CADPS: variants seen among roughly 807,000 people sequenced by gnomAD.
The protein encoded by CADPS is calcium dependent secretion activator.
A neutral mutation model predicts 167.3 loss-of-function variants in CADPS; 57 were observed. The ratio of observed to expected loss-of-function variants is 0.34; its 90% CI spans 0.28 to 0.42. The LOEUF (loss-of-function observed/expected upper bound fraction) is 0.42. CADPS is among the 20% of genes least tolerant of loss of function. The probability of loss-of-function intolerance (pLI) is 1.00; values close to 1 mark genes in which losing one functional copy is unlikely to be tolerated. For missense variants in CADPS, 1,414 were observed against 1,738.1 expected, an observed-to-expected ratio of 0.81 and a Z score of 3.32; for synonymous variants, 676 against 635.3, an observed-to-expected ratio of 1.06 and a Z score of -0.96.
intron 6 of CADPS, among the ~76,000 whole-genome samples, chr3:62,617,654 G>A (rs2062533384): frequency 6.6e-6 from 1 of 152,056 alleles, no homozygotes; most frequent in Non-Finnish European, 1.5e-5. Context: ...TATTTAATTT[G>A]GGGATGAGAG....
intron 6 of CADPS, among the ~76,000 whole-genome samples, chr3:62,621,337 A>C (rs145540340): frequency 6.6e-6 from 1 of 152,092 alleles, no homozygotes; most frequent in Non-Finnish European, 1.5e-5. Context: ...TCCCTGTGGC[A>C]GATCAGAACA....
chr3:62,658,259 G>C (rs772557076), intron 4 of CADPS, among the ~76,000 whole-genome samples: 2 of 152,054 alleles, frequency 1.3e-5, no homozygotes, highest in African/African-American at 4.8e-5. Context: ...TGTTCATCAC[G>C]GGTCTAAATG....
chr3:62,713,625 C>A (rs1441614302), intron 3 of CADPS, among the ~76,000 whole-genome samples: 1 of 152,214 alleles, frequency 6.6e-6, no homozygotes, highest in African/African-American at 2.4e-5. Context: ...GCTGCTGTAC[C>A]CTGCCGCTTC....
At chr3:62,770,828 GTCA>G (rs2088491392) in intron 1 of CADPS, among the ~76,000 whole-genome samples, 1 of 152,116 alleles carries the variant, frequency 6.6e-6, no homozygotes, top group Non-Finnish European at 1.5e-5. Flanking sequence ...TATTCCCAAA[GTCA>G]TTGCTCCCTC....
At position 62,872,458 on chromosome 3, in the gene CADPS, C is replaced by G. The variant is rs1049898691; in HGVS notation, c.441+2131G>C. Among the ~76,000 whole-genome samples the G allele has an allele frequency of 2.6e-5, 4 of 152,144 alleles. No individual in the cohort carries two copies. In the East Asian group the frequency reaches 7.7e-4, roughly 29 times the overall value. On this transcript the variant is annotated intron_variant, in intron 1 of 29. Transcript: ENST00000383710. ...TTTAGCTTCCCAGTATAGCCAAAAGCTCTGGGATAGCTTCACTGGGATATG... is the reference window on the plus strand; with the variant it reads ...TTTAGCTTCCCAGTATAGCCAAAAGGTCTGGGATAGCTTCACTGGGATATG...
chr3:62,686,648 T>C (rs1174548281), intron 3 of CADPS, among the ~76,000 whole-genome samples: 1 of 152,068 alleles, frequency 6.6e-6, no homozygotes, highest in Non-Finnish European at 1.5e-5. Flanking sequence ...GGGTGTGTCA[T>C]TCCCATTCTT....
Position 62,727,864 on chromosome 3 carries a change from A to G in CADPS, c.888+25577T>C, listed in dbSNP as rs76225160. On this transcript the variant is annotated intron_variant, in intron 3 of 29. Coordinates refer to ENST00000383710, the MANE Select transcript of CADPS (RefSeq NM_003716.4). ...TATACCCAGAGTGACACTAAAATGAAAATGTTCTGGCTGATAGTCTTGTTC... is the reference window on the plus strand; with the variant it reads ...TATACCCAGAGTGACACTAAAATGAGAATGTTCTGGCTGATAGTCTTGTTC... Among the ~76,000 whole-genome samples the G allele has an allele frequency of 3.7e-3, 567 of 152,022 alleles. 15 individuals are homozygous for G. The East Asian group carries it at 0.063, about 17-fold the overall frequency.
chr3:62,497,989 A>T (rs924884800), intron 18 of CADPS, among the ~76,000 whole-genome samples: 1 of 152,152 alleles, frequency 6.6e-6, no homozygotes, highest in Non-Finnish European at 1.5e-5. Flanking sequence ...AGGGTCACCC[A>T]TTCCACAAGC....
rs978565243 is a variant in CADPS, at chr3:62,602,748, A to G, written c.1326-10000T>C. On this transcript the variant is annotated intron_variant, in intron 6 of 29. Transcript: ENST00000383710. The surrounding 1 kb of genome is among the most constrained non-coding windows in gnomAD (Gnocchi z 4.4). ...TTTGGTTTGCCTCCTTGACATTTCC[A>G]CTGGAACGTCTCCTCTCCAGGAGTC... Among the ~76,000 whole-genome samples the G allele has an allele frequency of 3.9e-5, 6 of 152,156 alleles. No individual in the cohort carries two copies. Among genetic ancestry groups the G allele is most frequent in the Non-Finnish European group, 7.3e-5 (5 of 68,048 alleles).
chr3:62,532,324 T>C (rs2073867357), intron 13 of CADPS, among the ~76,000 whole-genome samples: 1 of 152,232 alleles, frequency 6.6e-6, no homozygotes, highest in Admixed American at 6.5e-5. Context: ...AATCTGAATG[T>C]AACTCTGCCC....
intron 9 of CADPS, among the ~76,000 whole-genome samples, chr3:62,566,015 C>G (rs1314432553): frequency 6.6e-6 from 1 of 152,192 alleles, no homozygotes; most frequent in Non-Finnish European, 1.5e-5. Flanking sequence ...TGTTTTAAAT[C>G]TAATGTATTA....
chr3:62,754,283 A>G (rs2083361696), intron 2 of CADPS, among the ~76,000 whole-genome samples: 2 of 152,122 alleles, frequency 1.3e-5, no homozygotes, highest in Non-Finnish European at 1.5e-5. Flanking sequence ...AGCGACCTCC[A>G]GCTTCAGCCT....
chr3:62,505,455 C>G (rs950964111), intron 17 of CADPS, among the ~76,000 whole-genome samples: 1 of 152,162 alleles, frequency 6.6e-6, no homozygotes, highest in Non-Finnish European at 1.5e-5. Context: ...TACTAGATCA[C>G]GTGCTTATCC....
At chr3:62,739,246 C>G (rs1468620150) in intron 3 of CADPS, among the ~76,000 whole-genome samples, 1 of 152,178 alleles carries the variant, frequency 6.6e-6, no homozygotes, top group African/African-American at 2.4e-5. Context: ...ATCATTCCAA[C>G]TGAAGTTATC....
At chr3:62,832,100 A>C (rs372029482) in intron 1 of CADPS, among the ~76,000 whole-genome samples, 42 of 152,348 alleles carry the variant, frequency 2.8e-4, no homozygotes, top group African/African-American at 9.6e-4. Context: ...ACTGAGACCT[A>C]TTGGGTTAAG....
chr3:62,594,506 G>A (rs1578419156), intron 6 of CADPS, among the ~76,000 whole-genome samples: 1 of 152,062 alleles, frequency 6.6e-6, no homozygotes, highest in Non-Finnish European at 1.5e-5. Context: ...CTTTCTATAT[G>A]TACCATAATT....
intron 1 of CADPS, among the ~76,000 whole-genome samples, chr3:62,812,179 T>C (rs978569377): frequency 6.6e-6 from 1 of 152,164 alleles, no homozygotes; most frequent in African/African-American, 2.4e-5. Flanking sequence ...AATATTAACA[T>C]ATGATATTTA....
intron 23 of CADPS, among the ~76,000 whole-genome samples, chr3:62,477,082 C>T (rs2061416124): frequency 6.6e-6 from 1 of 152,102 alleles, no homozygotes; most frequent in Non-Finnish European, 1.5e-5. Flanking sequence ...GTGCATAGTT[C>T]CTTTCTCAAT....
chr3:62,847,344 T>C (rs1395605185), intron 1 of CADPS, among the ~76,000 whole-genome samples: 2 of 137,128 alleles, frequency 1.5e-5, no homozygotes, highest in East Asian at 4.3e-4. Flanking sequence ...TAGTTACATA[T>C]GTATACATGT....
Sources: allele counts gnomAD v4.1 joint callset (sites outside exome capture counted in the v4.1 genomes callset), GRCh38; gene constraint gnomAD v4.1.1; non-coding constraint Gnocchi (gnomAD v3.1); transcripts MANE v1.5; gene names NCBI Gene and HGNC (gene_info 2026-07-23, HGNC 2026-07-21).